The following JAG2 variants were observed in gnomAD, a reference collection of about 807,000 sequenced individuals.
JAG2 encodes the protein protein jagged-2.
In JAG2, 46 loss-of-function variants were observed where a neutral mutation model predicts 141.7. That is an observed-to-expected ratio of 0.32 (90% confidence interval 0.26 to 0.42). JAG2 has a LOEUF of 0.42. Ranked by LOEUF, JAG2 falls within the 10% of genes least tolerant of loss-of-function variation. The pLI is 1.00. For missense variants in JAG2, 1,500 were observed against 1,817.5 expected (o/e 0.83, Z 3.18); for synonymous variants, 862 against 763.5 (o/e 1.13, Z -2.13).
rs763297305 is a variant in JAG2 at position 105,150,729 on chromosome 14, G to A, written c.1477C>T (p.Arg493Trp). ...TCGTCTCGTTCCAGCTCGCAATGCC[G>A]GCCTCCGAAGCCCCGTGGGCACACA... ...QCVCPRGFGG[R>W]HCELERDECA... Residue 493 changes from arginine (R) to tryptophan (W), a missense_variant, in exon 12 of 26, where the codon CGG becomes TGG. Physicochemically the swap from Arg to Trp is moderately radical, Grantham distance 101 (BLOSUM62 -3). Coordinates refer to ENST00000331782, the MANE Select transcript of JAG2 (RefSeq NM_002226.5). 11 of 1,577,592 alleles carry A rather than the reference G, an allele frequency of 7.0e-6. No homozygotes were observed. Among genetic ancestry groups the A allele is most frequent in the African/African-American group, 2.7e-5 (2 of 74,234 alleles).
rs1405656840 is a variant in JAG2, at chr14:105,167,524, C to T, written c.417+233G>A. ...CACCGCCGCGCACGCGGGACGCCGC[C>T]GCCCCGCCCCCGCCGCGACCCCGCT... On this transcript the variant is annotated intron_variant, in intron 2 of 25. Coordinates refer to ENST00000331782, the MANE Select transcript of JAG2 (RefSeq NM_002226.5). This position sits in a 1 kb window ranked among gnomAD's most constrained non-coding sequence, Gnocchi z 4.8. Among the ~76,000 whole-genome samples, 1 of 148,126 alleles carries T rather than the reference C, an allele frequency of 6.8e-6. No individual in the cohort carries two copies. The highest frequency in any genetic ancestry group is 2.4e-5 in the African/African-American group (1 of 40,954).
chr14:105,167,192 G>A lies in JAG2; in HGVS notation c.417+565C>T, dbSNP rs1595193203. On this transcript the variant is annotated intron_variant, in intron 2 of 25. Coordinates refer to ENST00000331782, the MANE Select transcript of JAG2 (RefSeq NM_002226.5). This position sits in a 1 kb window ranked among gnomAD's most constrained non-coding sequence, Gnocchi z 4.8. ...GTGCCACAGAAGGTCACTGCACCAG[G>A]ATCCACTATCTCTGTCTCTGAACGA... 2.0e-5 allele frequency among the ~76,000 whole-genome samples: 3 copies of A among 152,224 alleles called. No homozygotes were observed. Among genetic ancestry groups the A allele is most frequent in the Non-Finnish European group, 2.9e-5 (2 of 68,032 alleles).
In JAG2 at chr14:105,151,365, C is replaced by T. The variant is rs769374215; in HGVS notation, c.1185G>A (p.Ala395=). The change falls in exon 9 of 26, where the codon GCG becomes GCA. Residue 395 remains alanine (A), a synonymous_variant. Coordinates refer to ENST00000331782, the MANE Select transcript of JAG2 (RefSeq NM_002226.5). ...DIDECASNPC[A]AGGTCVDQVD... is the part of the protein sequence containing the mutation. ...CCTGGTCCACACAGGTGCCACCGGC[C>T]GCACACGGGTTCGAAGCACACTCAT... The T allele has an allele frequency of 5.6e-6, 9 of 1,612,034 alleles. No homozygotes were observed. The highest frequency in any genetic ancestry group is 4.0e-5 in the African/African-American group (3 of 74,922).
Position 105,147,317 on chromosome 14 carries a change from G to C in JAG2, c.2479+9C>G, listed in dbSNP as rs1888255057. ...GGGCTCCCAGGGCTGGGGCTGTCTGGCCACTCACTGATGCGGCAGTCAGGC... is the reference window on the plus strand; with the variant it reads ...GGGCTCCCAGGGCTGGGGCTGTCTGCCCACTCACTGATGCGGCAGTCAGGC... On this transcript the variant is annotated intron_variant, in intron 20 of 25. Transcript: ENST00000331782. 2 of 1,551,692 alleles carry C rather than the reference G, an allele frequency of 1.3e-6. No individual in the cohort carries two copies. The highest frequency in any genetic ancestry group is 2.7e-5 in the African/African-American group (2 of 73,130).
chr14:105,161,650 C>T (rs1038432302), intron 2 of JAG2, among the ~76,000 whole-genome samples: 3 of 152,182 alleles, frequency 2.0e-5, no homozygotes, highest in African/African-American at 7.2e-5. Flanking sequence ...GGGGCGGTAC[C>T]TGCCTCACCC....
chr14:105,151,768 T>TG, intron 7 of JAG2, 29 bp from the exon 8 acceptor site: 1 of 1,601,936 alleles, frequency 6.2e-7, no homozygotes, highest in South Asian at 1.1e-5. Context: ...GGGGCAGAGC[T>TG]GGCAGCCAGG....
chr14:105,153,578 G>A (rs587621292), intron 5 of JAG2, among the ~76,000 whole-genome samples: 23 of 152,136 alleles, frequency 1.5e-4, no homozygotes, highest in East Asian at 3.9e-4. Context: ...CTGGAGAGGC[G>A]GCGGCAGGAA....
At chr14:105,148,689 A>G (rs2242634) in intron 15 of JAG2, 56 bp downstream of exon 15, 924,462 of 1,422,082 alleles carry the variant, frequency 0.65, 303,740 homozygotes, top group African/African-American at 0.85. Context: ...TCAGGGTGAT[A>G]AGGGGCCCAC....
At chr14:105,158,445 G>A (rs919168104) in intron 2 of JAG2, among the ~76,000 whole-genome samples, 4 of 152,118 alleles carry the variant, frequency 2.6e-5, no homozygotes, top group African/African-American at 4.8e-5. Context: ...CACAGCCTCA[G>A]ACCATGGCCA....
At position 105,144,953 on chromosome 14, in the gene JAG2, C is replaced by A; in HGVS notation, c.3061G>T (p.Ala1021Ser). 6.2e-7 allele frequency: 1 copy of A among 1,600,580 alleles called. No homozygotes were observed. Among genetic ancestry groups the A allele is most frequent in the Non-Finnish European group, 8.5e-7 (1 of 1,176,548 alleles). Residue 1021 changes from alanine to serine, a missense_variant, in exon 24 of 26, where the codon GCC (alanine) becomes TCC (serine). Physicochemically the swap from Ala to Ser is moderately conservative, Grantham distance 99. This residue lies in a region of JAG2 where 425 missense variants were observed against 441.0 expected (regional missense o/e 0.96). Transcript: ENST00000331782. ...ACCACGGCCACCTCCACAGCACTGG[C>A]CCCCGAGGACGCCCGGTCGCAAAGC... is the stretch of plus-strand genomic sequence containing the variant. ...VLLCDRASSG[A>S]SAVEVAVSFS...
intron 17 of JAG2, 82 bp from the exon 18 acceptor site, chr14:105,147,970 C>CAGGGCAGACAGACCCG: frequency 1.6e-6 from 2 of 1,230,026 alleles, no homozygotes; most frequent in Non-Finnish European, 2.3e-6. Context: ...CCAACCCAGA[C>CAGGGCAGACAGACCCG]AGGGCAGACA....
In JAG2 at chr14:105,142,690, C is replaced by A; in HGVS notation, c.*5G>T. On this transcript the variant is annotated 3_prime_UTR_variant, in exon 26 of 26. Coordinates refer to ENST00000331782, the MANE Select transcript of JAG2 (RefSeq NM_002226.5). Reference sequence around the variant, plus strand: ...CCTGGGTCCCGGCCCAGCTGGCAGCCGCCCCTACTCCTTGCCGGCGTAGCG... The same window carrying A: ...CCTGGGTCCCGGCCCAGCTGGCAGCAGCCCCTACTCCTTGCCGGCGTAGCG... 6.3e-7 allele frequency: 1 copy of A among 1,590,178 alleles called. No homozygotes were observed. Among genetic ancestry groups the A allele is most frequent in the Admixed American group, 1.7e-5 (1 of 58,080 alleles).
Position 105,143,190 on chromosome 14 carries a change from G to C in JAG2, c.3242-20C>G. ...GCAGACCTGGGGACCGGGGAGAAGA[G>C]CCGGTGGGCAATGAGGCCTGGGCAC... On this transcript the variant is annotated intron_variant, in intron 25 of 25. Coordinates refer to ENST00000331782, the MANE Select transcript of JAG2 (RefSeq NM_002226.5). 1.3e-6 allele frequency: 2 copies of C among 1,591,806 alleles called. No individual in the cohort carries two copies. The highest frequency in any genetic ancestry group is 1.7e-6 in the Non-Finnish European group (2 of 1,176,550).
chr14:105,160,583 C>T (rs1191932454), intron 2 of JAG2, among the ~76,000 whole-genome samples: 5 of 151,782 alleles, frequency 3.3e-5, no homozygotes, highest in South Asian at 2.1e-4. Flanking sequence ...GCCAGGCCAA[C>T]GGGTCACAGT....
chr14:105,163,440 G>A (rs919328164), intron 2 of JAG2, among the ~76,000 whole-genome samples: 14 of 152,236 alleles, frequency 9.2e-5, no homozygotes, highest in South Asian at 2.1e-4. Context: ...GTCCCCCACC[G>A]TGAAGACGGT....
rs759907803 is a variant in JAG2 at position 105,143,684 on chromosome 14, C to A, written c.3085-46G>T. 10 of 1,594,644 alleles carry A rather than the reference C, an allele frequency of 6.3e-6. No homozygotes were observed. In the African/African-American group the frequency reaches 1.2e-4, roughly 19 times the overall value. The stretch of plus-strand genomic sequence containing the variant: ...GTGGGGATGGCTCGAGGGCTCCAGG[C>A]TCCCAGCAGCCTGCCCCCAACACTG... On this transcript the variant is annotated intron_variant, in intron 24 of 25. Coordinates refer to ENST00000331782, the MANE Select transcript of JAG2 (RefSeq NM_002226.5).
Position 105,144,911 on chromosome 14 carries a change from C to T in JAG2, c.3084+19G>A. On this transcript the variant is annotated intron_variant, in intron 24 of 25. Transcript: ENST00000331782. ...GGACCCAGGGCCCACCCAGGTGCTG[C>T]TCCCCACTGGGCACTCACCACGGCC... 1 of 1,596,508 alleles carries T rather than the reference C, an allele frequency of 6.3e-7. No individual in the cohort carries two copies. The highest frequency in any genetic ancestry group is 8.5e-7 in the Non-Finnish European group (1 of 1,175,926).
At chr14:105,162,539 T>C (rs999475606) in intron 2 of JAG2, among the ~76,000 whole-genome samples, 21 of 150,256 alleles carry the variant, frequency 1.4e-4, no homozygotes, top group Non-Finnish European at 2.4e-4. Context: ...CCCAGGGCAC[T>C]GCATGGCCCA....
At position 105,142,695 on chromosome 14, in the gene JAG2, CT is replaced by C. The variant is rs1364867123; in HGVS notation, c.3716del (p.Ter1239TrpfsTer131). The C allele has an allele frequency of 6.3e-7, 1 of 1,594,542 alleles. No individual in the cohort carries two copies. The highest frequency in any genetic ancestry group is 1.3e-5 in the African/African-American group (1 of 74,512). ...INEARYAGKE* is the reference protein window; with the variant it reads ...INEARYAGKEX ...GTCCCGGCCCAGCTGGCAGCCGCCCCTACTCCTTGCCGGCGTAGCGGGCCTC... is the reference window on the plus strand; with the variant it reads ...GTCCCGGCCCAGCTGGCAGCCGCCCCACTCCTTGCCGGCGTAGCGGGCCTC... On this transcript the variant is annotated frameshift_variant and stop_lost, in exon 26 of 26. Transcript: ENST00000331782. LOFTEE classifies it high-confidence loss of function.
Sources: gnomAD v4.1 joint callset for allele counts (sites outside exome capture counted in the v4.1 genomes callset) on GRCh38, gnomAD v4.1.1 for gene constraint, gnomAD v4.1.1 regional missense constraint, Gnocchi (gnomAD v3.1) non-coding constraint, MANE v1.5 for transcripts, NCBI Gene and HGNC (gene_info 2026-07-23, HGNC 2026-07-21) for gene names.